Variants in SLC7A11 observed in about 807,000 individuals in gnomAD.
SLC7A11 encodes the protein cystine/glutamate transporter.
A neutral mutation model predicts 54.5 loss-of-function variants in SLC7A11; 35 were observed. The ratio of observed to expected loss-of-function variants is 0.64; its 90% confidence interval spans 0.49 to 0.85. SLC7A11 has a LOEUF of 0.85. Among genes scored for constraint, SLC7A11 ranks in the 40% least tolerant of loss-of-function variants. The pLI, the probability that SLC7A11 is intolerant of heterozygous loss-of-function variation, is 0.00. For missense variants in SLC7A11, 583 were observed against 618.1 expected (o/e 0.94, Z 0.60); for synonymous variants, 230 against 225.2 (o/e 1.02, Z -0.19).
intron 6 of SLC7A11, among the ~76,000 whole-genome samples, chr4:138,187,267 G>T (rs1325818264): frequency 6.6e-6 from 1 of 152,036 alleles, no homozygotes; most frequent in Non-Finnish European, 1.5e-5. Flanking sequence ...AACCTTCTAG[G>T]TTGGTTTCCC....
chr4:138,180,855 A>T, intron 9 of SLC7A11, 65 bp from the exon 10 acceptor site: 1 of 1,419,616 alleles, frequency 7.0e-7, no homozygotes, highest in Non-Finnish European at 9.7e-7. Flanking sequence ...AACAACAAAA[A>T]CCTCACTATG....
At chr4:138,179,732 A>T (rs1345086126) in intron 10 of SLC7A11, among the ~76,000 whole-genome samples, 1 of 152,172 alleles carries the variant, frequency 6.6e-6, no homozygotes, top group Non-Finnish European at 1.5e-5. Flanking sequence ...TTTTGATTTT[A>T]AAAGACTGGC....
chr4:138,182,657 T>A (rs1018489734), intron 8 of SLC7A11, among the ~76,000 whole-genome samples: 2 of 152,132 alleles, frequency 1.3e-5, no homozygotes, highest in African/African-American at 2.4e-5. Flanking sequence ...TCTCTACATA[T>A]AAATAGCTGA....
At chr4:138,204,978 T>G (rs915886729) in intron 6 of SLC7A11, among the ~76,000 whole-genome samples, 8 of 152,018 alleles carry the variant, frequency 5.3e-5, no homozygotes, top group Admixed American at 1.3e-4. Context: ...TTTCAAAGAT[T>G]ATAAAATATT....
intron 6 of SLC7A11, among the ~76,000 whole-genome samples, chr4:138,209,270 C>T (rs1010896918): frequency 1.4e-4 from 21 of 151,988 alleles, no homozygotes; most frequent in African/African-American, 4.6e-4. Flanking sequence ...TTCATTTCAC[C>T]AGCTGCCAGA....
chr4:138,171,782 A>G lies in SLC7A11; in HGVS notation c.*174T>C, dbSNP rs62324363. ...TCACTTTCTATAACTACATAGAGTT[A>G]TAACTAAATTTCTTAGAAATTAGTT... On this transcript the variant is annotated 3_prime_UTR_variant, in exon 12 of 12. Transcript: ENST00000280612. The G allele has an allele frequency of 1.8e-5, 14 of 765,500 alleles. No individual in the cohort carries two copies. Among genetic ancestry groups the G allele is most frequent in the Non-Finnish European group, 2.7e-5 (14 of 509,712 alleles). The allele number at this position is 765,500 out of a possible 1,614,324, so 47.4% of individuals were successfully genotyped here.
chr4:138,194,690 T>G (rs1242956806), intron 6 of SLC7A11, among the ~76,000 whole-genome samples: 1 of 152,188 alleles, frequency 6.6e-6, no homozygotes, highest in Non-Finnish European at 1.5e-5. Context: ...CTCTGATATT[T>G]GTATTCACTT....
chr4:138,205,616 G>C (rs1196508672), intron 6 of SLC7A11, among the ~76,000 whole-genome samples: 1 of 152,052 alleles, frequency 6.6e-6, no homozygotes, highest in African/African-American at 2.4e-5. Flanking sequence ...CTAGATTTTA[G>C]TTGTCTAAGA....
At chr4:138,207,978 G>A (rs902584002) in intron 6 of SLC7A11, among the ~76,000 whole-genome samples, 1 of 152,076 alleles carries the variant, frequency 6.6e-6, no homozygotes, top group Admixed American at 6.6e-5. Flanking sequence ...TAAGACGGCA[G>A]CATCTGAACT....
intron 7 of SLC7A11, among the ~76,000 whole-genome samples, chr4:138,184,102 A>G (rs1736816387): frequency 6.6e-6 from 1 of 152,174 alleles, no homozygotes; most frequent in Non-Finnish European, 1.5e-5. Context: ...GGTGCTATGC[A>G]ATTAATGGGC....
intron 6 of SLC7A11, among the ~76,000 whole-genome samples, chr4:138,212,730 T>C (rs1048085450): frequency 6.6e-6 from 1 of 151,912 alleles, no homozygotes; most frequent in African/African-American, 2.4e-5. Flanking sequence ...TACACAATAG[T>C]ATTACTATAT....
chr4:138,211,597 A>G (rs1258822716), intron 6 of SLC7A11, among the ~76,000 whole-genome samples: 1 of 151,962 alleles, frequency 6.6e-6, no homozygotes. Context: ...TGTTTATTGC[A>G]GCACTATTCA....
At position 138,168,748 on chromosome 4, in the gene SLC7A11, A is replaced by G. The variant is rs1032807469; in HGVS notation, c.*3208T>C. 3.9e-5 allele frequency: 6 copies of G among 152,330 alleles called. No homozygotes were observed. The highest frequency in any genetic ancestry group is 2.1e-4 in the South Asian group (1 of 4,828). The allele number at this position is 152,330 out of a possible 1,614,324, so 9.4% of individuals were successfully genotyped here. A position where few individuals can be genotyped will look rare whatever the true frequency, so the allele number is the denominator to read the frequency against. On this transcript the variant is annotated 3_prime_UTR_variant, in exon 12 of 12. Transcript: ENST00000280612. ...GGAGCTACAGTCTAAATGCATACGC[A>G]TGTTGGGAACCGAAGTCAGCCATCT...
At position 138,214,623 on chromosome 4, in the gene SLC7A11, G is replaced by T; in HGVS notation, c.753C>A (p.Tyr251Ter). 1 of 1,358,154 alleles carries T rather than the reference G, an allele frequency of 7.4e-7. No homozygotes were observed. Among genetic ancestry groups the T allele is most frequent in the Non-Finnish European group, 1.0e-6 (1 of 992,076 alleles). 84.1% of individuals were successfully genotyped at this position (1,358,154 alleles called of 1,614,324 possible). A position where few individuals can be genotyped will look rare whatever the true frequency, so the allele number is the denominator to read the frequency against. ...CTACTTCTTCAGTAACAAAGTTGAGGTAAAACCTAAAAATAGATAAATAAA... is the reference window on the plus strand; with the variant it reads ...CTACTTCTTCAGTAACAAAGTTGAGTTAAAACCTAAAAATAGATAAATAAA... ...YGMYAYAGWF[Y>*]LNFVTEEVEN... Residue 251 changes from tyrosine (Y) to a stop codon, truncating the protein, a stop_gained, in exon 6 of 12, where the codon TAC (tyrosine) becomes TAA (stop). Transcript: ENST00000280612. LOFTEE classifies it high-confidence loss of function.
Position 138,182,369 on chromosome 4 carries a change from C to G in SLC7A11, c.1044G>C (p.Glu348Asp). The G allele has an allele frequency of 6.2e-7, 1 of 1,610,006 alleles. No individual in the cohort carries two copies. Among genetic ancestry groups the G allele is most frequent in the Non-Finnish European group, 8.5e-7 (1 of 1,176,868 alleles). ...VSRLFYVASREGHLPEILSMI... is the reference protein window; with the variant it reads ...VSRLFYVASRDGHLPEILSMI... ...TGGAGAGGATTTCTGGAAGGTGACC[C>G]TCTCGAGACGCAACATAGAATAACC... is the stretch of plus-strand genomic sequence containing the variant. The change falls in exon 9 of 12, where the codon GAG becomes GAC. Residue 348 changes from glutamate (E) to aspartate (D), a missense_variant. Glu to Asp is a conservative substitution (Grantham distance 45, BLOSUM62 2). Coordinates refer to ENST00000280612, the MANE Select transcript of SLC7A11 (RefSeq NM_014331.4).
chr4:138,220,707 A>T (rs535849327), intron 4 of SLC7A11, among the ~76,000 whole-genome samples: 1 of 152,330 alleles, frequency 6.6e-6, no homozygotes, highest in East Asian at 1.9e-4. Context: ...AGCAAATGAG[A>T]TTACCCAAAT....
Position 138,168,822 on chromosome 4 carries a change from T to G in SLC7A11, c.*3134A>C, listed in dbSNP as rs184307623. On this transcript the variant is annotated 3_prime_UTR_variant, in exon 12 of 12. Transcript: ENST00000280612. Reference sequence around the variant, plus strand: ...TCTAAAGAAGGACAAGAATAAGGTCTACTTTCAGCTAACCATTTATAAGGT... The same window carrying G: ...TCTAAAGAAGGACAAGAATAAGGTCGACTTTCAGCTAACCATTTATAAGGT... The G allele has an allele frequency of 6.7e-4, 102 of 152,360 alleles. No homozygotes were observed. Among genetic ancestry groups the G allele is most frequent in the African/African-American group, 2.3e-3 (96 of 41,594 alleles). 9.4% of individuals were successfully genotyped at this position (152,360 alleles called of 1,614,324 possible).
At chr4:138,204,975 G>T (rs931062715) in intron 6 of SLC7A11, among the ~76,000 whole-genome samples, 1 of 151,936 alleles carries the variant, frequency 6.6e-6, no homozygotes, top group Non-Finnish European at 1.5e-5. Flanking sequence ...TTTTTTCAAA[G>T]ATTATAAAAT....
chr4:138,228,687 A>G (rs1034049837), intron 3 of SLC7A11, among the ~76,000 whole-genome samples: 2 of 137,480 alleles, frequency 1.5e-5, no homozygotes, highest in African/African-American at 5.4e-5. Context: ...TGAAACCAGG[A>G]GGCAGACCTT....
Sources: gnomAD v4.1 joint callset for allele counts (sites outside exome capture counted in the v4.1 genomes callset) on GRCh38, gnomAD v4.1.1 for gene constraint, MANE v1.5 for transcripts, NCBI Gene and HGNC (gene_info 2026-07-23, HGNC 2026-07-21) for gene names.